UGT1A10: variants seen among roughly 807,000 people sequenced by gnomAD.
UGT1A10 encodes the protein UDP-glucuronosyltransferase 1A10.
In UGT1A10, 49 loss-of-function variants were observed where a neutral mutation model predicts 45.8. The observed-to-expected ratio is 1.07, with a 90% CI of 0.85 to 1.36. The LOEUF (loss-of-function observed/expected upper bound fraction) is 1.36, where lower values mean the gene tolerates loss of function less well. Among genes scored for constraint, UGT1A10 ranks in the 40% most tolerant of loss-of-function variants. The pLI is 0.00. For missense variants in UGT1A10, 745 were observed against 668.6 expected (o/e 1.11, Z -1.26); for synonymous variants, 284 against 249.7 (o/e 1.14, Z -1.29).
chr2:233,681,262 A>C (rs192058312), intron 1 of UGT1A10, among the ~76,000 whole-genome samples: 1 of 152,156 alleles, frequency 6.6e-6, no homozygotes, highest in African/African-American at 2.4e-5. Flanking sequence ...GGCCAGGTGT[A>C]GTGGCTCACG....
intron 1 of UGT1A10, among the ~76,000 whole-genome samples, chr2:233,708,873 C>T (rs936265781): frequency 1.1e-4 from 16 of 151,932 alleles, no homozygotes; most frequent in Admixed American, 7.9e-4. Context: ...TATTGGTTCA[C>T]ATACTAGAAC....
chr2:233,731,825 G>C (rs994519436), intron 1 of UGT1A10, among the ~76,000 whole-genome samples: 58 of 152,108 alleles, frequency 3.8e-4, no homozygotes, highest in African/African-American at 1.4e-3. Flanking sequence ...GTGTCAAATG[G>C]TATTTCTAGT....
chr2:233,700,832 A>C (rs2075591149), intron 1 of UGT1A10, among the ~76,000 whole-genome samples: 1 of 152,014 alleles, frequency 6.6e-6, no homozygotes, highest in Non-Finnish European at 1.5e-5. Flanking sequence ...TTAACTCGTC[A>C]TTTAGCATTA....
intron 1 of UGT1A10, among the ~76,000 whole-genome samples, chr2:233,645,557 C>G (rs2073577953): frequency 6.6e-6 from 1 of 152,234 alleles, no homozygotes; most frequent in African/African-American, 2.4e-5. Context: ...GGTAAATACA[C>G]CATTCCAACT....
intron 1 of UGT1A10, chr2:233,729,534 C>A: frequency 6.2e-7 from 1 of 1,614,090 alleles, no homozygotes; most frequent in Non-Finnish European, 8.5e-7. Flanking sequence ...ATAATGAGGC[C>A]CTGATCAGGC....
chr2:233,673,498 A>T (rs570571903), intron 1 of UGT1A10, among the ~76,000 whole-genome samples: 1 of 152,234 alleles, frequency 6.6e-6, no homozygotes, highest in East Asian at 1.9e-4. Context: ...ATCTTAGTTG[A>T]CTAGAGCCCT....
Position 233,769,884 on chromosome 2 carries a change from C to T in UGT1A10, c.1295+1445C>T, listed in dbSNP as rs1466829536. On this transcript the variant is annotated intron_variant, in intron 4 of 4. Transcript: ENST00000344644. The surrounding 1 kb of genome is among the most constrained non-coding windows in gnomAD (Gnocchi z 4.4). The stretch of plus-strand genomic sequence containing the variant: ...AAAAAAAAAAAAAAAATGAAAAGTC[C>T]ACATAACCTGAGCATCATGTGCCCA... 5.0e-6 allele frequency: 2 copies of T among 403,872 alleles called. No individual in the cohort carries two copies. Among genetic ancestry groups the T allele is most frequent in the Non-Finnish European group, 8.7e-6 (2 of 230,852 alleles). 25.0% of individuals were successfully genotyped at this position (403,872 alleles called of 1,614,324 possible).
At chr2:233,755,804 T>G (rs1335569789) in intron 1 of UGT1A10, 3 of 152,158 alleles carry the variant, frequency 2.0e-5, no homozygotes, top group African/African-American at 7.2e-5. Context: ...CATTAGAGAT[T>G]AAAACAGAAT....
At chr2:233,724,982 C>A (rs1242883505) in intron 1 of UGT1A10, among the ~76,000 whole-genome samples, 1 of 134,788 alleles carries the variant, frequency 7.4e-6, no homozygotes. Context: ...GGATCACTCG[C>A]GGTTAGGGGC....
Position 233,729,550 on chromosome 2 carries a change from A to C in UGT1A10, c.856-37484A>C, listed in dbSNP as rs780321158. On this transcript the variant is annotated intron_variant, in intron 1 of 4. Transcript: ENST00000344644. ...TAATGAGGCCCTGATCAGGCACCTG[A>C]ATGCTACTTCCTTTGATGTGGTTTT... 8 of 1,614,098 alleles carry C rather than the reference A, an allele frequency of 5.0e-6. No homozygotes were observed. Among genetic ancestry groups the C allele is most frequent in the African/African-American group, 1.3e-5 (1 of 75,014 alleles).
In UGT1A10 at chr2:233,768,412, C is replaced by T. The variant is rs756044146; in HGVS notation, c.1268C>T (p.Ala423Val). The change falls in exon 4 of 5, where the codon GCT becomes GTT. Residue 423 changes from alanine to valine, a missense_variant. By Grantham distance (64) the Ala-to-Val change is moderately conservative. Transcript: ENST00000344644. The stretch of plus-strand genomic sequence containing the variant: ...ATGACTTCTGAAGATTTAGAAAATG[C>T]TCTAAAAGCAGTCATCAATGACAAA... ...LEMTSEDLEN[A>V]LKAVINDKSY... 8.1e-6 allele frequency: 13 copies of T among 1,614,062 alleles called. No homozygotes were observed. Among genetic ancestry groups the T allele is most frequent in the Non-Finnish European group, 1.1e-5 (13 of 1,180,014 alleles).
intron 1 of UGT1A10, chr2:233,692,853 GT>G: frequency 1.4e-6 from 2 of 1,463,024 alleles, no homozygotes; most frequent in Non-Finnish European, 1.8e-6. Flanking sequence ...ATTAATTTGG[GT>G]TCTTACATAT....
chr2:233,649,600 C>A (rs1054819055), intron 1 of UGT1A10, among the ~76,000 whole-genome samples: 13 of 152,102 alleles, frequency 8.5e-5, no homozygotes, highest in African/African-American at 2.9e-4. Flanking sequence ...GCCAGTAAAC[C>A]AGAGACATCT....
chr2:233,665,459 G>A (rs1049455560), intron 1 of UGT1A10, among the ~76,000 whole-genome samples: 12 of 152,216 alleles, frequency 7.9e-5, no homozygotes, highest in Non-Finnish European at 1.6e-4. Context: ...GGAAGTAGTG[G>A]CTGTGGCAAA....
At chr2:233,742,200 G>A (rs1293437959) in intron 1 of UGT1A10, among the ~76,000 whole-genome samples, 2 of 151,984 alleles carry the variant, frequency 1.3e-5, no homozygotes, top group East Asian at 3.9e-4. Context: ...GAAATCAGGG[G>A]ACTCACAGCC....
chr2:233,640,525 T>G (rs1036409057), intron 1 of UGT1A10, among the ~76,000 whole-genome samples: 1 of 152,208 alleles, frequency 6.6e-6, no homozygotes, highest in Non-Finnish European at 1.5e-5. Context: ...ATACAACATC[T>G]TTTTATGTTG....
intron 1 of UGT1A10, among the ~76,000 whole-genome samples, chr2:233,726,356 A>T (rs1313638283): frequency 1.3e-5 from 2 of 152,182 alleles, no homozygotes; most frequent in Non-Finnish European, 2.9e-5. Context: ...TTATTTATTT[A>T]AAACACAACA....
At chr2:233,720,570 T>C (rs1325667267) in intron 1 of UGT1A10, among the ~76,000 whole-genome samples, 1 of 152,076 alleles carries the variant, frequency 6.6e-6, no homozygotes, top group Non-Finnish European at 1.5e-5. Flanking sequence ...GGATCTATTC[T>C]TTTTCCAAAA....
At position 233,690,776 on chromosome 2, in the gene UGT1A10, TACACACACACACACAC is replaced by T. The variant is rs34459843; in HGVS notation, c.855+53408_855+53423del. The stretch of plus-strand genomic sequence containing the variant: ...GTGCAGACATACACACACACACACA[TACACACACACACACAC>T]ACACACACCATTCTTAGTACAGTCA... On this transcript the variant is annotated intron_variant, in intron 1 of 4. Transcript: ENST00000344644. 15 of 1,063,430 alleles carry T rather than the reference TACACACACACACACAC, an allele frequency of 1.4e-5. No homozygotes were observed. The East Asian group carries it at 1.0e-3, about 71-fold the overall frequency. 65.9% of individuals were successfully genotyped at this position (1,063,430 alleles called of 1,614,324 possible). A position where few individuals can be genotyped will look rare whatever the true frequency, so the allele number is the denominator to read the frequency against.
Sources: allele counts gnomAD v4.1 joint callset (sites outside exome capture counted in the v4.1 genomes callset), GRCh38; gene constraint gnomAD v4.1.1; non-coding constraint Gnocchi (gnomAD v3.1); transcripts MANE v1.5; gene names NCBI Gene and HGNC (gene_info 2026-07-23, HGNC 2026-07-21).